VGLL4: variants seen among roughly 807,000 people sequenced by gnomAD.
VGLL4 encodes vestigial like family member 4, also known as transcription cofactor vestigial-like protein 4.
A neutral mutation model predicts 21.0 loss-of-function variants in VGLL4; 7 were observed. That is an observed-to-expected ratio of 0.33 (90% CI 0.19 to 0.63). The LOEUF (loss-of-function observed/expected upper bound fraction) is 0.63. VGLL4 is among the 20% of genes least tolerant of loss of function. VGLL4 has a pLI of 0.78. For missense variants in VGLL4, 394 were observed against 425.7 expected, an observed-to-expected ratio of 0.93 and a Z score of 0.66; for synonymous variants, 222 against 173.2, an observed-to-expected ratio of 1.28 and a Z score of -2.21.
At chr3:11,622,734 A>C (rs1575463612) in intron 1 of VGLL4, among the ~76,000 whole-genome samples, 2 of 152,148 alleles carry the variant, frequency 1.3e-5, no homozygotes, top group East Asian at 3.8e-4. Context: ...TGCGCCATTA[A>C]CCTTTAGGGT....
intron 2 of VGLL4, among the ~76,000 whole-genome samples, chr3:11,584,156 T>G (rs2074306529): frequency 6.6e-6 from 1 of 152,186 alleles, no homozygotes; most frequent in Non-Finnish European, 1.5e-5. Context: ...ACATTACTTA[T>G]TTTCCCCAAC....
chr3:11,659,044 A>T (rs1311808092), intron 2 of VGLL4, among the ~76,000 whole-genome samples: 2 of 152,154 alleles, frequency 1.3e-5, no homozygotes, highest in Non-Finnish European at 2.9e-5. Context: ...CAATATATAT[A>T]CAATTTCCAT....
intron 1 of VGLL4, among the ~76,000 whole-genome samples, chr3:11,709,790 T>C (rs114181199): frequency 0.029 from 4,453 of 152,252 alleles, 76 homozygotes; most frequent in Middle Eastern, 0.071. Context: ...CTGACAGCCA[T>C]TTTTTGGCCT....
chr3:11,557,016 GGT>G lies in VGLL4; in HGVS notation c.*1538_*1539del, dbSNP rs2072488383. On this transcript the variant is annotated 3_prime_UTR_variant, in exon 5 of 5. Coordinates refer to ENST00000430365, the MANE Select transcript of VGLL4 (RefSeq NM_001128219.3). ...AAAACTGTAAAACCGGGGGTCATAC[GGT>G]GTGCAGAGTCCACAAAGCCTTGCAG... 6.6e-6 allele frequency: 1 copy of G among 152,418 alleles called. No homozygotes were observed. Among genetic ancestry groups the G allele is most frequent in the Admixed American group, 6.5e-5 (1 of 15,268 alleles). 9.4% of individuals were successfully genotyped at this position (152,418 alleles called of 1,614,324 possible).
At chr3:11,678,080 G>A (rs1327580344) in intron 2 of VGLL4, among the ~76,000 whole-genome samples, 1 of 151,788 alleles carries the variant, frequency 6.6e-6, no homozygotes, top group Admixed American at 6.6e-5. Flanking sequence ...AGGCAATAGA[G>A]TCTCACTCTG....
At chr3:11,628,325 T>C (rs941207314) in intron 1 of VGLL4, among the ~76,000 whole-genome samples, 1 of 151,612 alleles carries the variant, frequency 6.6e-6, no homozygotes, top group Non-Finnish European at 1.5e-5. Flanking sequence ...GAGGCAGAGG[T>C]TGCGGTAAAC....
chr3:11,573,280 AAAGAAAGAAAGAAAGAAAGAAAGAAAGG>A (rs1559869583), intron 2 of VGLL4, among the ~76,000 whole-genome samples: 1 of 10,628 alleles, frequency 9.4e-5, no homozygotes, highest in African/African-American at 7.8e-4. Flanking sequence ...AGAAAGAAAG[AAAGAAAGAAAGAAAGAAAGAAAGAAAGG>A]AAGGAAGGAA....
At chr3:11,573,344 A>C (rs375054655) in intron 2 of VGLL4, among the ~76,000 whole-genome samples, 4 of 99,690 alleles carry the variant, frequency 4.0e-5, no homozygotes, top group African/African-American at 1.4e-4. Context: ...AGAAAGAAAG[A>C]AAGAAAGAAA....
intron 1 of VGLL4, among the ~76,000 whole-genome samples, chr3:11,602,234 GCA>G (rs1368323344): frequency 6.6e-6 from 1 of 152,174 alleles, no homozygotes. Context: ...TGGTTTTCTA[GCA>G]CAGTCACTCT....
chr3:11,641,840 G>T (rs933632273), intron 1 of VGLL4, among the ~76,000 whole-genome samples: 2 of 152,096 alleles, frequency 1.3e-5, no homozygotes, highest in African/African-American at 2.4e-5. Context: ...CTGTCCGTAA[G>T]TTGGTCCTCA....
chr3:11,636,134 A>G (rs559678325), intron 1 of VGLL4, among the ~76,000 whole-genome samples: 1 of 152,350 alleles, frequency 6.6e-6, no homozygotes, highest in East Asian at 1.9e-4. Context: ...ATATAATGGA[A>G]GATGCATTTA....
At chr3:11,624,780 G>A (rs1185279933) in intron 1 of VGLL4, among the ~76,000 whole-genome samples, 1 of 152,098 alleles carries the variant, frequency 6.6e-6, no homozygotes, top group Non-Finnish European at 1.5e-5. Context: ...AAATGAGAGG[G>A]GCAAGGAAAG....
rs2073661612 is a variant in VGLL4 at position 11,568,917 on chromosome 3, C to T, written c.273-3898G>A. 6.4e-6 allele frequency: 8 copies of T among 1,259,032 alleles called. No homozygotes were observed. The South Asian group carries it at 9.7e-5, about 15-fold the overall frequency. 78.0% of individuals were successfully genotyped at this position (1,259,032 alleles called of 1,614,324 possible). A position where few individuals can be genotyped will look rare whatever the true frequency, so the allele number is the denominator to read the frequency against. On this transcript the variant is annotated intron_variant, in intron 2 of 4. Coordinates refer to ENST00000430365, the MANE Select transcript of VGLL4 (RefSeq NM_001128219.3). The surrounding 1 kb of genome is among the most constrained non-coding windows in gnomAD (Gnocchi z 5.9). Reference sequence around the variant, plus strand: ...CCCCGGGCCTCATCCCCATCCTAGGCGGGCACTTCCACTGCCAGCTGCCCA... The same window carrying T: ...CCCCGGGCCTCATCCCCATCCTAGGTGGGCACTTCCACTGCCAGCTGCCCA...
At chr3:11,582,888 T>C (rs1477537308) in intron 2 of VGLL4, among the ~76,000 whole-genome samples, 2 of 152,108 alleles carry the variant, frequency 1.3e-5, no homozygotes, top group African/African-American at 4.8e-5. Flanking sequence ...AGCAGAACCC[T>C]AGGTGAGAGG....
At chr3:11,578,179 A>G (rs891174506) in intron 2 of VGLL4, among the ~76,000 whole-genome samples, 9 of 152,214 alleles carry the variant, frequency 5.9e-5, no homozygotes, top group Non-Finnish European at 1.2e-4. Flanking sequence ...AAACAACCCA[A>G]GATGCCAGTA....
In VGLL4 at chr3:11,628,775, G is replaced by A. The variant is rs1488739964; in HGVS notation, c.82+14662C>T. Among the ~76,000 whole-genome samples, 5 of 152,168 alleles carry A rather than the reference G, an allele frequency of 3.3e-5. No individual in the cohort carries two copies. The East Asian group carries it at 5.8e-4, about 18-fold the overall frequency. Reference sequence around the variant, plus strand: ...GCAGAGCTTGCAGTGAGCAGAGATCGCACCACTTCACTCCAGCCTGAGTGA... The same window carrying A: ...GCAGAGCTTGCAGTGAGCAGAGATCACACCACTTCACTCCAGCCTGAGTGA... On this transcript the variant is annotated intron_variant, in intron 1 of 4. Transcript: ENST00000430365.
chr3:11,716,945 A>G (rs1201946323), intron 1 of VGLL4, among the ~76,000 whole-genome samples: 1 of 152,104 alleles, frequency 6.6e-6, no homozygotes, highest in Non-Finnish European at 1.5e-5. Context: ...CTCAGTTAAC[A>G]TACCTCGAAG....
chr3:11,643,551 C>A lies in VGLL4; in HGVS notation c.-33G>T, dbSNP rs2075736824. 6.2e-7 allele frequency: 1 copy of A among 1,613,494 alleles called. No individual in the cohort carries two copies. On this transcript the variant is annotated 5_prime_UTR_variant, in exon 1 of 5. Transcript: ENST00000430365. ...GCTAGCAAAGAAAACCAGCTCTTTG[C>A]TTTTGCCCCAAAAGAGTTAAGTTTC...
At chr3:11,706,890 C>G (rs572801151) in intron 1 of VGLL4, among the ~76,000 whole-genome samples, 1 of 152,280 alleles carries the variant, frequency 6.6e-6, no homozygotes, top group South Asian at 2.1e-4. Flanking sequence ...TCAGGTGAGC[C>G]TGATGCGGGT....
Sources: gnomAD v4.1 joint callset for allele counts (sites outside exome capture counted in the v4.1 genomes callset) on GRCh38, gnomAD v4.1.1 for gene constraint, Gnocchi (gnomAD v3.1) non-coding constraint, MANE v1.5 for transcripts, NCBI Gene and HGNC (gene_info 2026-07-23, HGNC 2026-07-21) for gene names.